The following CSMD1 variants were observed in gnomAD, a reference collection of about 807,000 sequenced individuals.
The protein encoded by CSMD1 is CUB and Sushi multiple domains 1.
Under a neutral mutation model 417.5 loss-of-function variants are expected in CSMD1, and 213 were observed. The observed-to-expected ratio is 0.51, with a 90% CI of 0.46 to 0.57. The LOEUF is 0.57. Ranked by LOEUF, CSMD1 falls within the 20% of genes least tolerant of loss-of-function variation. CSMD1 has a pLI of 0.00. For synonymous variants in CSMD1, 2,862 were observed against 1,736.8 expected (o/e 1.65, Z -16.11); for missense variants, 6,923 against 4,529.7 (o/e 1.53, Z -15.17).
At chr8:4,101,159 C>T (rs943068010) in intron 3 of CSMD1, among the ~76,000 whole-genome samples, 9 of 152,240 alleles carry the variant, frequency 5.9e-5, no homozygotes, top group African/African-American at 1.9e-4. Context: ...CCACTCTATA[C>T]TGTCTATGAG....
intron 3 of CSMD1, among the ~76,000 whole-genome samples, chr8:4,174,822 G>A (rs779309342): frequency 7.3e-6 from 1 of 136,950 alleles, no homozygotes; most frequent in Non-Finnish European, 1.5e-5. Flanking sequence ...TAGTTTGTGT[G>A]CCAGAGAAAT....
chr8:3,324,969 TG>T (rs1389149330), intron 23 of CSMD1, among the ~76,000 whole-genome samples: 28 of 152,140 alleles, frequency 1.8e-4, no homozygotes, highest in African/African-American at 6.5e-4. Flanking sequence ...AATTTTTACT[TG>T]GTTTAAAAGA....
chr8:4,525,246 C>G (rs923669059), intron 2 of CSMD1, among the ~76,000 whole-genome samples: 2 of 152,102 alleles, frequency 1.3e-5, no homozygotes, highest in Admixed American at 6.6e-5. Context: ...AAGCATCATT[C>G]ACTCGAACAG....
chr8:3,287,745 C>G (rs1021982865), intron 25 of CSMD1, among the ~76,000 whole-genome samples: 17 of 152,198 alleles, frequency 1.1e-4, no homozygotes, highest in Middle Eastern at 6.8e-3. Context: ...ACGTCATCTG[C>G]CAACAGGGAC....
intron 5 of CSMD1, among the ~76,000 whole-genome samples, chr8:3,755,878 C>A (rs573449733): frequency 3.9e-5 from 6 of 152,170 alleles, no homozygotes; most frequent in Non-Finnish European, 7.3e-5. Context: ...TGGCTGGTGA[C>A]AGCTGGACAC....
chr8:4,773,597 C>T (rs1215974565), intron 1 of CSMD1, among the ~76,000 whole-genome samples: 2 of 152,028 alleles, frequency 1.3e-5, no homozygotes, highest in African/African-American at 4.8e-5. Context: ...ATCAGGATAC[C>T]AAGGATTCCT....
At chr8:3,649,652 C>A (rs1027604003) in intron 7 of CSMD1, among the ~76,000 whole-genome samples, 4 of 152,132 alleles carry the variant, frequency 2.6e-5, no homozygotes, top group African/African-American at 9.7e-5. Context: ...GAAACCACCC[C>A]CATGATTCCA....
intron 10 of CSMD1, among the ~76,000 whole-genome samples, chr8:3,543,631 A>C (rs1188549209): frequency 6.7e-6 from 1 of 148,436 alleles, no homozygotes; most frequent in Non-Finnish European, 1.5e-5. Context: ...TTTCAGCCTA[A>C]ATAACTGAAA....
intron 26 of CSMD1, among the ~76,000 whole-genome samples, chr8:3,240,891 G>A (rs552863449): frequency 1.3e-5 from 2 of 152,078 alleles, no homozygotes; most frequent in East Asian, 1.9e-4. Flanking sequence ...TAGGCTTTAA[G>A]AGGTCATGCT....
intron 1 of CSMD1, 32 bp downstream of exon 1, chr8:4,994,300 C>T (rs761336910): frequency 6.3e-7 from 1 of 1,597,962 alleles, no homozygotes. Flanking sequence ...AGGGCTCTAC[C>T]GCCTCCCCGG....
chr8:3,137,357 T>C (rs1488495840), intron 41 of CSMD1, among the ~76,000 whole-genome samples: 1 of 152,222 alleles, frequency 6.6e-6, no homozygotes, highest in African/African-American at 2.4e-5. Flanking sequence ...CGAAAATGTA[T>C]ATGCAGCACG....
At chr8:4,551,447 T>A (rs1043397756) in intron 2 of CSMD1, among the ~76,000 whole-genome samples, 2 of 152,180 alleles carry the variant, frequency 1.3e-5, no homozygotes, top group Non-Finnish European at 2.9e-5. Flanking sequence ...GATCCTCTCA[T>A]TCTTCACGAA....
intron 8 of CSMD1, among the ~76,000 whole-genome samples, chr8:3,592,485 T>A (rs751059672): frequency 7.2e-5 from 11 of 152,158 alleles, no homozygotes; most frequent in Admixed American, 2.0e-4. Context: ...CATTCAAGCC[T>A]GGATTTGCCA....
chr8:3,716,508 G>A (rs1801844267), intron 6 of CSMD1, among the ~76,000 whole-genome samples: 1 of 152,174 alleles, frequency 6.6e-6, no homozygotes, highest in South Asian at 2.1e-4. Context: ...AAACTGTCAT[G>A]GTGCTGATGT....
chr8:4,039,832 G>A (rs78031273), intron 3 of CSMD1, among the ~76,000 whole-genome samples: 9 of 152,192 alleles, frequency 5.9e-5, no homozygotes, highest in Non-Finnish European at 8.8e-5. Flanking sequence ...GCATCAAATA[G>A]ATTTGGGTTT....
intron 3 of CSMD1, among the ~76,000 whole-genome samples, chr8:4,356,084 T>G (rs1339904966): frequency 6.6e-6 from 1 of 152,168 alleles, no homozygotes; most frequent in Non-Finnish European, 1.5e-5. Flanking sequence ...ACCATATATG[T>G]TGTCTTTTAT....
intron 12 of CSMD1, among the ~76,000 whole-genome samples, chr8:3,434,216 T>C (rs1370633351): frequency 6.6e-6 from 1 of 152,218 alleles, no homozygotes; most frequent in Non-Finnish European, 1.5e-5. Context: ...CCAGCGTCCT[T>C]TCAGAATATT....
intron 1 of CSMD1, among the ~76,000 whole-genome samples, chr8:4,683,099 A>C (rs1165838848): frequency 6.6e-6 from 1 of 150,940 alleles, no homozygotes. Flanking sequence ...GAGAAGTTTC[A>C]ATTTGTACTA....
At chr8:3,326,600 G>A (rs1186281881) in intron 23 of CSMD1, among the ~76,000 whole-genome samples, 4 of 152,106 alleles carry the variant, frequency 2.6e-5, no homozygotes, top group African/African-American at 7.2e-5. Context: ...ACTTTCTAAC[G>A]TAAACCAGGA....
Sources: allele counts gnomAD v4.1 joint callset (sites outside exome capture counted in the v4.1 genomes callset), GRCh38; gene constraint gnomAD v4.1.1; transcripts MANE v1.5; gene names NCBI Gene and HGNC (gene_info 2026-07-23, HGNC 2026-07-21).